Variants in ACVR1B observed in about 807,000 individuals in gnomAD.
The protein encoded by ACVR1B is activin receptor type-1B.
A neutral mutation model predicts 55.6 loss-of-function variants in ACVR1B; 15 were observed. That is an observed-to-expected ratio of 0.27 (90% confidence interval 0.18 to 0.42). The LOEUF is 0.42. Ranked by LOEUF, ACVR1B falls within the 10% of genes least tolerant of loss-of-function variation. The pLI is 1.00. For synonymous variants in ACVR1B, 247 were observed against 254.6 expected, an observed-to-expected ratio of 0.97 and a Z score of 0.28; for missense variants, 359 against 670.1, an observed-to-expected ratio of 0.54 and a Z score of 5.13.
chr12:51,968,260 G>A (rs915478899), intron 1 of ACVR1B, among the ~76,000 whole-genome samples: 4 of 152,170 alleles, frequency 2.6e-5, no homozygotes, highest in Admixed American at 6.5e-5. Context: ...TTCTTCACTC[G>A]TATTGAGAAG....
intron 5 of ACVR1B, among the ~76,000 whole-genome samples, chr12:51,984,727 A>G (rs1942046705): frequency 6.6e-6 from 1 of 152,148 alleles, no homozygotes; most frequent in African/African-American, 2.4e-5. Flanking sequence ...TGCCTGGTTG[A>G]CCAGGGCCAC....
Position 51,994,620 on chromosome 12 carries a change from C to T in ACVR1B, c.*510C>T. Reference sequence around the variant, plus strand: ...TGGGATGGACGCTGCCGGGAGACTGCCAGTGGAGACGGAATCTGCCGCTTT... The same window carrying T: ...TGGGATGGACGCTGCCGGGAGACTGTCAGTGGAGACGGAATCTGCCGCTTT... On this transcript the variant is annotated 3_prime_UTR_variant, in exon 9 of 9. Transcript: ENST00000257963. This position sits in a 1 kb window ranked among gnomAD's most constrained non-coding sequence, Gnocchi z 4.2. The T allele has an allele frequency of 6.4e-6, 1 of 156,700 alleles. No individual in the cohort carries two copies. The highest frequency in any genetic ancestry group is 1.4e-5 in the Non-Finnish European group (1 of 70,564). The allele number at this position is 156,700 out of a possible 1,614,324, so 9.7% of individuals were successfully genotyped here.
chr12:51,988,496 C>T lies in ACVR1B; in HGVS notation c.1261+1554C>T, dbSNP rs1942124397. 3.3e-5 allele frequency among the ~76,000 whole-genome samples: 5 copies of T among 152,208 alleles called. No individual in the cohort carries two copies. In the South Asian group the frequency reaches 8.3e-4, roughly 25 times the overall value. ...AAAAAACAAACAAACTAAGAAAAAT[C>T]TGGTCACACAGGTCTTAAACTGTGA... On this transcript the variant is annotated intron_variant, in intron 7 of 8. Coordinates refer to ENST00000257963, the MANE Select transcript of ACVR1B (RefSeq NM_004302.5).
intron 1 of ACVR1B, among the ~76,000 whole-genome samples, chr12:51,972,779 C>T (rs1217576997): frequency 2.0e-5 from 3 of 152,124 alleles, no homozygotes; most frequent in African/African-American, 7.2e-5. Flanking sequence ...ATATCTTTTT[C>T]AGACTTCTCA....
At chr12:51,959,823 G>A (rs898951170) in intron 1 of ACVR1B, among the ~76,000 whole-genome samples, 5 of 152,056 alleles carry the variant, frequency 3.3e-5, no homozygotes, top group Admixed American at 1.3e-4. Context: ...GTGAGTGGAG[G>A]GGAGAGGGGA....
In ACVR1B at chr12:51,996,660, C is replaced by G. The variant is rs1332494422; in HGVS notation, c.*2550C>G. 1 of 152,716 alleles carries G rather than the reference C, an allele frequency of 6.5e-6. No homozygotes were observed. The highest frequency in any genetic ancestry group is 1.5e-5 in the Non-Finnish European group (1 of 68,144). 9.5% of individuals were successfully genotyped at this position (152,716 alleles called of 1,614,324 possible). A position where few individuals can be genotyped will look rare whatever the true frequency, so the allele number is the denominator to read the frequency against. On this transcript the variant is annotated 3_prime_UTR_variant, in exon 9 of 9. Coordinates refer to ENST00000257963, the MANE Select transcript of ACVR1B (RefSeq NM_004302.5). ...CCCCAGTTGGCCCTTCTGCCCTTAC[C>G]CCACACACAGTCCAACTCTTCCACC...
intron 1 of ACVR1B, among the ~76,000 whole-genome samples, chr12:51,973,426 G>A (rs1941785651): frequency 6.6e-6 from 1 of 152,224 alleles, no homozygotes; most frequent in Non-Finnish European, 1.5e-5. Flanking sequence ...CTGCCACAAA[G>A]GGGAATGGGA....
rs1030736294 is a variant in ACVR1B, at chr12:51,965,043, A to G, written c.92-10222A>G. On this transcript the variant is annotated intron_variant, in intron 1 of 8. Transcript: ENST00000257963. ...TCTGATAGGGATTGTATTGACTCTC[A>G]TCTGATGTATATAATTTACATATAT... 2.0e-5 allele frequency among the ~76,000 whole-genome samples: 3 copies of G among 152,206 alleles called. No individual in the cohort carries two copies. The East Asian group carries it at 5.8e-4, about 29-fold the overall frequency.
rs1426854555 is a variant in ACVR1B at position 51,995,328 on chromosome 12, T to A, written c.*1218T>A. 1.3e-5 allele frequency: 2 copies of A among 151,818 alleles called. No individual in the cohort carries two copies. Among genetic ancestry groups the A allele is most frequent in the African/African-American group, 4.8e-5 (2 of 41,254 alleles). 9.4% of individuals were successfully genotyped at this position (151,818 alleles called of 1,614,324 possible). On this transcript the variant is annotated 3_prime_UTR_variant, in exon 9 of 9. Coordinates refer to ENST00000257963, the MANE Select transcript of ACVR1B (RefSeq NM_004302.5). ...GGGAGTCTGGGGTGGGAGGGAGGCA[T>A]CTGCATGGGTCTTCTTTTACTGGAC...
intron 1 of ACVR1B, among the ~76,000 whole-genome samples, chr12:51,968,693 G>C (rs1485511248): frequency 6.6e-6 from 1 of 152,126 alleles, no homozygotes; most frequent in Non-Finnish European, 1.5e-5. Flanking sequence ...TTTCCTTTTG[G>C]GTTCTTGCTC....
Position 51,973,735 on chromosome 12 carries a change from A to G in ACVR1B, c.92-1530A>G, listed in dbSNP as rs979960946. ...CCCAAACTCTGAAGCAAGAGGCTGC[A>G]TGTTTTGGAATTTCTCCCAGAAGAA... On this transcript the variant is annotated intron_variant, in intron 1 of 8. Transcript: ENST00000257963. Among the ~76,000 whole-genome samples the G allele has an allele frequency of 2.0e-5, 3 of 152,206 alleles. No individual in the cohort carries two copies. In the South Asian group the frequency reaches 6.2e-4, roughly 31 times the overall value.
chr12:51,992,519 G>A (rs1487148189), intron 8 of ACVR1B, among the ~76,000 whole-genome samples: 2 of 152,182 alleles, frequency 1.3e-5, no homozygotes, highest in African/African-American at 2.4e-5. Context: ...AAAAGGACAA[G>A]GCTTTGTCTC....
At chr12:51,964,141 T>A (rs923286830) in intron 1 of ACVR1B, among the ~76,000 whole-genome samples, 19 of 152,214 alleles carry the variant, frequency 1.2e-4, no homozygotes, top group African/African-American at 4.3e-4. Context: ...GTTGGTTTTT[T>A]AAAAATTATG....
chr12:51,952,377 G>GT (rs1941317055), intron 1 of ACVR1B, among the ~76,000 whole-genome samples: 1 of 152,142 alleles, frequency 6.6e-6, no homozygotes, highest in Admixed American at 6.5e-5. Flanking sequence ...TGCACTTGGC[G>GT]TGTTTCTTCC....
At chr12:51,980,822 A>G in intron 3 of ACVR1B, 147 bp from the exon 4 acceptor site, 1 of 650,534 alleles carries the variant, frequency 1.5e-6, no homozygotes, top group Non-Finnish European at 2.6e-6. Flanking sequence ...AGAAATGTGT[A>G]TGGGCAGCAG....
At chr12:51,975,595 G>T in intron 2 of ACVR1B, 91 bp downstream of exon 2, 1 of 1,491,114 alleles carries the variant, frequency 6.7e-7, no homozygotes, top group Non-Finnish European at 9.0e-7. Context: ...CACTCACTTG[G>T]TTTGACGATA....
At chr12:51,953,587 T>G in intron 1 of ACVR1B, 1 of 890,660 alleles carries the variant, frequency 1.1e-6, no homozygotes, top group Non-Finnish European at 1.3e-6. Context: ...TGTTCTCTAC[T>G]GGGTAGTAAA....
At chr12:51,968,788 A>T (rs1358520631) in intron 1 of ACVR1B, among the ~76,000 whole-genome samples, 1 of 152,240 alleles carries the variant, frequency 6.6e-6, no homozygotes, top group Non-Finnish European at 1.5e-5. Context: ...GAACATCCCT[A>T]ATCCAAAATG....
chr12:51,961,312 ATTTCT>A (rs1420574290), intron 1 of ACVR1B, among the ~76,000 whole-genome samples: 1 of 152,186 alleles, frequency 6.6e-6, no homozygotes, highest in Non-Finnish European at 1.5e-5. Flanking sequence ...GAATTAATTC[ATTTCT>A]TTTCCATCCT....
Sources: allele counts gnomAD v4.1 joint callset (sites outside exome capture counted in the v4.1 genomes callset), GRCh38; gene constraint gnomAD v4.1.1; non-coding constraint Gnocchi (gnomAD v3.1); transcripts MANE v1.5; gene names NCBI Gene and HGNC (gene_info 2026-07-23, HGNC 2026-07-21).